DOCK10: variants seen among roughly 807,000 people sequenced by gnomAD.
DOCK10 encodes the protein dedicator of cytokinesis protein 10.
DOCK10 carries 145 observed loss-of-function variants against 280.1 expected under a neutral mutation model. The ratio of observed to expected loss-of-function variants is 0.52; its 90% CI spans 0.45 to 0.59. The LOEUF (loss-of-function observed/expected upper bound fraction) is 0.59. Ranked by LOEUF, DOCK10 falls within the 20% of genes least tolerant of loss-of-function variation. The probability of loss-of-function intolerance (pLI) is 0.00; values close to 1 mark genes in which losing one functional copy is unlikely to be tolerated. For synonymous variants in DOCK10, 915 were observed against 942.2 expected, an observed-to-expected ratio of 0.97 and a Z score of 0.53; for missense variants, 2,368 against 2,651.7, an observed-to-expected ratio of 0.89 and a Z score of 2.35.
intron 2 of DOCK10, among the ~76,000 whole-genome samples, chr2:224,930,384 G>A (rs1479699678): frequency 2.0e-5 from 3 of 152,034 alleles, no homozygotes; most frequent in East Asian, 1.9e-4. Flanking sequence ...ATCTCTGCAC[G>A]AGATAAGTCT....
At chr2:224,906,499 T>C (rs1377006463) in intron 3 of DOCK10, among the ~76,000 whole-genome samples, 1 of 152,210 alleles carries the variant, frequency 6.6e-6, no homozygotes, top group Non-Finnish European at 1.5e-5. Flanking sequence ...AATCTCACTC[T>C]GTCTCCCAGG....
In DOCK10 at chr2:224,949,725, C is replaced by A. The variant is rs575341874; in HGVS notation, c.124-18057G>T. Among the ~76,000 whole-genome samples, 91 of 152,262 alleles carry A rather than the reference C, an allele frequency of 6.0e-4. 3 individuals carry two copies. In the South Asian group the frequency reaches 0.018, roughly 31 times the overall value. On this transcript the variant is annotated intron_variant, in intron 1 of 55. Coordinates refer to ENST00000258390, the MANE Select transcript of DOCK10 (RefSeq NM_014689.3). ...CACTTCTTAACTGTGTGTCCTTTGGCCAATCACTCACCCTTTCCAGGCCTC... is the reference window on the plus strand; with the variant it reads ...CACTTCTTAACTGTGTGTCCTTTGGACAATCACTCACCCTTTCCAGGCCTC...
chr2:224,845,150 GC>G, intron 21 of DOCK10, 52 bp downstream of exon 21: 1 of 1,507,430 alleles, frequency 6.6e-7, no homozygotes, highest in Non-Finnish European at 9.0e-7. Context: ...ATAATCTTAT[GC>G]CATTAAGCTG....
In DOCK10 at chr2:224,865,001, A is replaced by G. The variant is rs1559599403; in HGVS notation, c.1344T>C (p.His448=). ...CCAAGAGCATCTGTCTGACAGCAGC[A>G]TGGTTTAGATCCACATGAAAATCAG... ...ISADFHVDLN[H]AAVRQMLLGA... The change falls in exon 12 of 56, where the codon CAT becomes CAC. Residue 448 remains histidine (H), a synonymous_variant. Coordinates refer to ENST00000258390, the MANE Select transcript of DOCK10 (RefSeq NM_014689.3). 6.2e-7 allele frequency: 1 copy of G among 1,613,968 alleles called. No homozygotes were observed. The highest frequency in any genetic ancestry group is 8.5e-7 in the Non-Finnish European group (1 of 1,179,890).
intron 1 of DOCK10, among the ~76,000 whole-genome samples, chr2:225,012,981 T>C (rs35086598): frequency 6.6e-6 from 1 of 152,214 alleles, no homozygotes; most frequent in African/African-American, 2.4e-5. Context: ...GGTGTTACTA[T>C]ACTTTTAAAG....
At chr2:224,802,884 C>T (rs1030553664) in intron 39 of DOCK10, among the ~76,000 whole-genome samples, 2 of 152,086 alleles carry the variant, frequency 1.3e-5, no homozygotes, top group East Asian at 3.9e-4. Context: ...TCTCTTTCTC[C>T]CACTTTTCAA....
chr2:224,998,780 C>A (rs1002567744), intron 1 of DOCK10, among the ~76,000 whole-genome samples: 5 of 152,174 alleles, frequency 3.3e-5, no homozygotes, highest in African/African-American at 9.7e-5. Context: ...TTACTATACC[C>A]AACTGCCTCC....
At chr2:224,958,776 G>C (rs146571503) in intron 1 of DOCK10, among the ~76,000 whole-genome samples, 1 of 152,044 alleles carries the variant, frequency 6.6e-6, no homozygotes, top group Non-Finnish European at 1.5e-5. Context: ...TCAACGGTGC[G>C]GGATCTCCTA....
intron 47 of DOCK10, 60 bp from the exon 48 acceptor site, chr2:224,789,230 A>G: frequency 2.9e-6 from 3 of 1,038,172 alleles, no homozygotes; most frequent in Non-Finnish European, 4.4e-6. Flanking sequence ...CTTAGATTAG[A>G]TAATGCCTTT....
intron 1 of DOCK10, among the ~76,000 whole-genome samples, chr2:225,001,149 T>C (rs1480337771): frequency 6.6e-6 from 1 of 152,222 alleles, no homozygotes; most frequent in Admixed American, 6.5e-5. Flanking sequence ...TAGCTACTAA[T>C]AGTAGAAATA....
chr2:224,935,460 G>A (rs1702630780), intron 1 of DOCK10, among the ~76,000 whole-genome samples: 1 of 152,168 alleles, frequency 6.6e-6, no homozygotes, highest in Non-Finnish European at 1.5e-5. Flanking sequence ...TAGAGTGTGA[G>A]TATAGGTTTT....
At chr2:224,982,612 A>G in intron 1 of DOCK10, 7 of 718,240 alleles carry the variant, frequency 9.7e-6, no homozygotes, top group Non-Finnish European at 1.2e-5. Flanking sequence ...AGTATTTCTC[A>G]ATTCACATCG....
rs1180665345 is a variant in DOCK10 at position 224,970,698 on chromosome 2, C to G, written c.124-39030G>C. On this transcript the variant is annotated intron_variant, in intron 1 of 55. Coordinates refer to ENST00000258390, the MANE Select transcript of DOCK10 (RefSeq NM_014689.3). This position sits in a 1 kb window ranked among gnomAD's most constrained non-coding sequence, Gnocchi z 4.6. ...CATCTGTTCTGCTCATAGCTTTACTCTACAGATTAACTTGAACTCATTATC... is the reference window on the plus strand; with the variant it reads ...CATCTGTTCTGCTCATAGCTTTACTGTACAGATTAACTTGAACTCATTATC... 6.6e-6 allele frequency among the ~76,000 whole-genome samples: 1 copy of G among 152,194 alleles called. No homozygotes were observed. The highest frequency in any genetic ancestry group is 2.4e-5 in the African/African-American group (1 of 41,452).
At chr2:224,870,297 C>A (rs116691373) in intron 11 of DOCK10, among the ~76,000 whole-genome samples, 3,803 of 152,298 alleles carry the variant, frequency 0.025, 80 homozygotes, top group South Asian at 0.044. Flanking sequence ...TCAATTAAAC[C>A]TCCTTCCTTT....
intron 31 of DOCK10, among the ~76,000 whole-genome samples, chr2:224,811,466 C>T (rs1241656753): frequency 2.0e-5 from 3 of 152,088 alleles, no homozygotes; most frequent in Non-Finnish European, 2.9e-5. Flanking sequence ...GTTTCTTTTG[C>T]TGTGCAGAAG....
intron 25 of DOCK10, among the ~76,000 whole-genome samples, chr2:224,836,845 C>T (rs551398135): frequency 3.9e-5 from 6 of 151,960 alleles, no homozygotes; most frequent in South Asian, 2.1e-4. Flanking sequence ...GTGATCCGCC[C>T]GCCTCGGCCT....
chr2:225,002,814 C>T (rs1297040519), intron 1 of DOCK10, among the ~76,000 whole-genome samples: 1 of 151,712 alleles, frequency 6.6e-6, no homozygotes, highest in African/African-American at 2.4e-5. Flanking sequence ...CTTGCATGAT[C>T]GGGCAGGTGT....
chr2:224,853,661 T>G (rs1696903343), intron 16 of DOCK10, among the ~76,000 whole-genome samples: 1 of 152,216 alleles, frequency 6.6e-6, no homozygotes, highest in African/African-American at 2.4e-5. Flanking sequence ...ATTTTTCTCT[T>G]CAGTTTCTAC....
chr2:224,896,630 T>G (rs1159348190), intron 3 of DOCK10, among the ~76,000 whole-genome samples: 2 of 152,052 alleles, frequency 1.3e-5, no homozygotes, highest in African/African-American at 4.8e-5. Context: ...GACATGAGAA[T>G]AGGTTGAACC....
Sources: gnomAD v4.1 joint callset for allele counts (sites outside exome capture counted in the v4.1 genomes callset) on GRCh38, gnomAD v4.1.1 for gene constraint, Gnocchi (gnomAD v3.1) non-coding constraint, MANE v1.5 for transcripts, NCBI Gene and HGNC (gene_info 2026-07-23, HGNC 2026-07-21) for gene names.